The following KCNQ1 variants were observed in gnomAD, a reference collection of about 807,000 sequenced individuals.
KCNQ1 encodes the protein potassium voltage-gated channel subfamily KQT member 1.
In KCNQ1, 49 loss-of-function variants were observed where a neutral mutation model predicts 72.4. The ratio of observed to expected loss-of-function variants is 0.68; its 90% CI spans 0.54 to 0.86. KCNQ1 has a LOEUF of 0.86. Among genes scored for constraint, KCNQ1 ranks in the 40% least tolerant of loss-of-function variants. KCNQ1 has a pLI of 0.00. For missense variants in KCNQ1, 790 were observed against 945.1 expected (o/e 0.84, Z 2.15); for synonymous variants, 450 against 412.6 (o/e 1.09, Z -1.10).
At chr11:2,616,305 A>G (rs868638424) in intron 10 of KCNQ1, 9 of 396,876 alleles carry the variant, frequency 2.3e-5, no homozygotes, top group African/African-American at 1.5e-4. Flanking sequence ...CATTCTAGTT[A>G]AAGGTTTTCA....
intron 2 of KCNQ1, among the ~76,000 whole-genome samples, chr11:2,532,685 C>T (rs948244569): frequency 1.3e-5 from 2 of 152,060 alleles, no homozygotes; most frequent in African/African-American, 2.4e-5. Flanking sequence ...CTGGTGCTGG[C>T]GGGGCAGGCA....
At chr11:2,820,586 G>GTTTA (rs1271951119) in intron 15 of KCNQ1, among the ~76,000 whole-genome samples, 1 of 152,120 alleles carries the variant, frequency 6.6e-6, no homozygotes, top group East Asian at 1.9e-4. Context: ...TTGTTTGTTT[G>GTTTA]TTTGTTAGTT....
At chr11:2,548,029 G>C (rs145287869) in intron 2 of KCNQ1, among the ~76,000 whole-genome samples, 25 of 152,254 alleles carry the variant, frequency 1.6e-4, no homozygotes, top group Non-Finnish European at 3.1e-4. Context: ...GTGAGGGCTT[G>C]GGGCGACTCT....
intron 11 of KCNQ1, chr11:2,699,431 T>A (rs972527519): frequency 7.1e-5 from 28 of 396,400 alleles, no homozygotes; most frequent in Admixed American, 1.8e-4. Context: ...CTGAGGAGAG[T>A]CTGGGAGAAC....
Position 2,471,718 on chromosome 11 carries a change from G to C in KCNQ1, c.386+26234G>C, listed in dbSNP as rs1846465898. 7.0e-6 allele frequency among the ~76,000 whole-genome samples: 1 copy of C among 143,610 alleles called. No individual in the cohort carries two copies. The highest frequency in any genetic ancestry group is 6.9e-5 in the Admixed American group (1 of 14,548). The allele number at this position is 143,610 out of a possible 152,430, so 94.2% of individuals were successfully genotyped here. A position where few individuals can be genotyped will look rare whatever the true frequency, so the allele number is the denominator to read the frequency against. On this transcript the variant is annotated intron_variant, in intron 1 of 15. Coordinates refer to ENST00000155840, the MANE Select transcript of KCNQ1 (RefSeq NM_000218.3). The surrounding 1 kb of genome is among the most constrained non-coding windows in gnomAD (Gnocchi z 4.8). The stretch of plus-strand genomic sequence containing the variant: ...CATGTGTGTATAGGTGTGTGTATGT[G>C]TGCATGGGCGTGTGTATGTGTGCAT...
In KCNQ1 at chr11:2,642,454, G is replaced by A. The variant is rs1849594105; in HGVS notation, c.1394-19507G>A. The stretch of plus-strand genomic sequence containing the variant: ...AGCCTGATTTTTAAATCCTGTAACT[G>A]TAATCAATTTATTGATCAGACTGAA... On this transcript the variant is annotated intron_variant, in intron 10 of 15. Transcript: ENST00000155840. This position sits in a 1 kb window ranked among gnomAD's most constrained non-coding sequence, Gnocchi z 4.3. The A allele has an allele frequency of 2.5e-6, 1 of 397,806 alleles. No individual in the cohort carries two copies. Among genetic ancestry groups the A allele is most frequent in the Non-Finnish European group, 4.4e-6 (1 of 225,716 alleles). The allele number at this position is 397,806 out of a possible 1,614,324, so 24.6% of individuals were successfully genotyped here. A position where few individuals can be genotyped will look rare whatever the true frequency, so the allele number is the denominator to read the frequency against.
In KCNQ1 at chr11:2,652,769, C is replaced by T; in HGVS notation, c.1394-9192C>T. The T allele has an allele frequency of 5.0e-6, 2 of 399,126 alleles. No individual in the cohort carries two copies. The highest frequency in any genetic ancestry group is 6.3e-4 in the Middle Eastern group (1 of 1,594). 24.7% of individuals were successfully genotyped at this position (399,126 alleles called of 1,614,324 possible). On this transcript the variant is annotated intron_variant, in intron 10 of 15. Coordinates refer to ENST00000155840, the MANE Select transcript of KCNQ1 (RefSeq NM_000218.3). This position sits in a 1 kb window ranked among gnomAD's most constrained non-coding sequence, Gnocchi z 5.9. ...CCTGGCTCTGTCACTGCCTGTCTTCCTCAGCGCCCCCGCTACTCAGACCCC... is the reference window on the plus strand; with the variant it reads ...CCTGGCTCTGTCACTGCCTGTCTTCTTCAGCGCCCCCGCTACTCAGACCCC...
chr11:2,662,031 C>T lies in KCNQ1; in HGVS notation c.1464C>T (p.Asp488=). 2 of 1,614,170 alleles carry T rather than the reference C, an allele frequency of 1.2e-6. No homozygotes were observed. The highest frequency in any genetic ancestry group is 1.7e-6 in the Non-Finnish European group (2 of 1,180,034). Residue 488 remains aspartate (D), a synonymous_variant, in exon 11 of 16, where the codon GAC becomes GAT. Coordinates refer to ENST00000155840, the MANE Select transcript of KCNQ1 (RefSeq NM_000218.3). ...TGAGAACCAACAGCTTCGCCGAGGACCTGGACCTGGAAGGGGAGACTCTGC... is the reference window on the plus strand; with the variant it reads ...TGAGAACCAACAGCTTCGCCGAGGATCTGGACCTGGAAGGGGAGACTCTGC... The part of the protein sequence containing the change: ...HFMRTNSFAE[D]LDLEGETLLT...
chr11:2,755,005 C>T (rs1329353077), intron 11 of KCNQ1, among the ~76,000 whole-genome samples: 3 of 152,228 alleles, frequency 2.0e-5, no homozygotes, highest in African/African-American at 7.2e-5. Flanking sequence ...TCTTTCACTT[C>T]TGTCGGTCAG....
chr11:2,831,684 T>G (rs1847954016), intron 15 of KCNQ1, among the ~76,000 whole-genome samples: 1 of 111,120 alleles, frequency 9.0e-6, no homozygotes. Context: ...GCTCCCCTCC[T>G]TCCTCCAGCA....
rs925600567 is a variant in KCNQ1 at position 2,769,896 on chromosome 11, G to A, written c.1590+977G>A. 6.6e-6 allele frequency among the ~76,000 whole-genome samples: 1 copy of A among 152,114 alleles called. No homozygotes were observed. Among genetic ancestry groups the A allele is most frequent in the Admixed American group, 6.5e-5 (1 of 15,282 alleles). On this transcript the variant is annotated intron_variant, in intron 12 of 15. Transcript: ENST00000155840. This position sits in a 1 kb window ranked among gnomAD's most constrained non-coding sequence, Gnocchi z 4.6. ...AGCCCAGGAAGGCTCAGCAATGTCC[G>A]CCGACCACCAGGACCCACAGTCGGT... is the stretch of plus-strand genomic sequence containing the variant.
chr11:2,687,796 C>A lies in KCNQ1; in HGVS notation c.1514+25715C>A, dbSNP rs993894856. The A allele has an allele frequency of 5.0e-6, 2 of 398,576 alleles. No individual in the cohort carries two copies. The highest frequency in any genetic ancestry group is 8.8e-6 in the Non-Finnish European group (2 of 226,180). The allele number at this position is 398,576 out of a possible 1,614,324, so 24.7% of individuals were successfully genotyped here. A position where few individuals can be genotyped will look rare whatever the true frequency, so the allele number is the denominator to read the frequency against. On this transcript the variant is annotated intron_variant, in intron 11 of 15. Transcript: ENST00000155840. The surrounding 1 kb of genome is among the most constrained non-coding windows in gnomAD (Gnocchi z 5.0). ...GGCCTAACCACACCCCTAAGCCACC[C>A]AGCCTGGCCCCCCTCCTCTGCCCCA...
Position 2,451,844 on chromosome 11 carries a change from C to T in KCNQ1, c.386+6360C>T, listed in dbSNP as rs1311001854. Reference sequence around the variant, plus strand: ...GCCTGGCCACTTTGCTCATGCCACACCCAGAAAGCCCTCAGGACACCCAGA... The same window carrying T: ...GCCTGGCCACTTTGCTCATGCCACATCCAGAAAGCCCTCAGGACACCCAGA... On this transcript the variant is annotated intron_variant, in intron 1 of 15. Transcript: ENST00000155840. The surrounding 1 kb of genome is among the most constrained non-coding windows in gnomAD (Gnocchi z 6.4). 1.3e-5 allele frequency among the ~76,000 whole-genome samples: 2 copies of T among 152,184 alleles called. No homozygotes were observed. The highest frequency in any genetic ancestry group is 2.9e-5 in the Non-Finnish European group (2 of 68,024).
At chr11:2,573,823 G>A (rs536248902) in intron 6 of KCNQ1, among the ~76,000 whole-genome samples, 3 of 152,300 alleles carry the variant, frequency 2.0e-5, no homozygotes, top group East Asian at 1.9e-4. Context: ...AGGCTTGCAC[G>A]TGGGAGAGGG....
chr11:2,794,804 C>A (rs534954106), intron 15 of KCNQ1, among the ~76,000 whole-genome samples: 92 of 152,276 alleles, frequency 6.0e-4, no homozygotes, highest in Non-Finnish European at 1.2e-3. Flanking sequence ...AGCCACCACC[C>A]AGAACCACAT....
At position 2,651,331 on chromosome 11, in the gene KCNQ1, A is replaced by G. The variant is rs572457938; in HGVS notation, c.1394-10630A>G. 2.5e-6 allele frequency: 1 copy of G among 398,766 alleles called. No homozygotes were observed. Among genetic ancestry groups the G allele is most frequent in the Non-Finnish European group, 4.4e-6 (1 of 226,144 alleles). 24.7% of individuals were successfully genotyped at this position (398,766 alleles called of 1,614,324 possible). On this transcript the variant is annotated intron_variant, in intron 10 of 15. Coordinates refer to ENST00000155840, the MANE Select transcript of KCNQ1 (RefSeq NM_000218.3). The surrounding 1 kb of genome is among the most constrained non-coding windows in gnomAD (Gnocchi z 6.1). ...TGCACAGAACACTCCTCAGAGTTCTACAAGCGGCTGAGAGAGCTGGGGTAT... is the reference window on the plus strand; with the variant it reads ...TGCACAGAACACTCCTCAGAGTTCTGCAAGCGGCTGAGAGAGCTGGGGTAT...
Position 2,645,028 on chromosome 11 carries a change from C to T in KCNQ1, c.1394-16933C>T. The T allele has an allele frequency of 2.5e-6, 1 of 398,770 alleles. No individual in the cohort carries two copies. The highest frequency in any genetic ancestry group is 1.3e-4 in the South Asian group (1 of 7,850). The allele number at this position is 398,770 out of a possible 1,614,324, so 24.7% of individuals were successfully genotyped here. On this transcript the variant is annotated intron_variant, in intron 10 of 15. Coordinates refer to ENST00000155840, the MANE Select transcript of KCNQ1 (RefSeq NM_000218.3). The surrounding 1 kb of genome is among the most constrained non-coding windows in gnomAD (Gnocchi z 5.8). ...AAGTCCAGGGAAACCAATTTTGGGC[C>T]TCCAGGCAACTTGCTCAGGTGCCAA...
chr11:2,771,287 T>G (rs1846594663), intron 12 of KCNQ1: 3 of 152,322 alleles, frequency 2.0e-5, no homozygotes, highest in Admixed American at 2.0e-4. Context: ...CATCCCTTTC[T>G]CCATCAGCCA....
chr11:2,570,815 C>T (rs1246402865), intron 3 of KCNQ1, 61 bp downstream of exon 3: 3 of 1,598,368 alleles, frequency 1.9e-6, no homozygotes, highest in East Asian at 2.2e-5. Flanking sequence ...AGGACCCCCA[C>T]CTCATGACCC....
Sources: allele counts gnomAD v4.1 joint callset (sites outside exome capture counted in the v4.1 genomes callset), GRCh38; gene constraint gnomAD v4.1.1; non-coding constraint Gnocchi (gnomAD v3.1); transcripts MANE v1.5; gene names NCBI Gene and HGNC (gene_info 2026-07-23, HGNC 2026-07-21).